The following APP variants were observed in gnomAD, a reference collection of about 807,000 sequenced individuals.
APP encodes amyloid-beta precursor protein.
Under a neutral mutation model 101.4 loss-of-function variants are expected in APP, and 31 were observed. The observed-to-expected ratio is 0.31, with a 90% CI of 0.23 to 0.41. The LOEUF (loss-of-function observed/expected upper bound fraction) is 0.41. APP is among the 10% of genes least tolerant of loss of function. The pLI, the probability that APP is intolerant of heterozygous loss-of-function variation, is 1.00. For missense variants in APP, 839 were observed against 1,003.7 expected, an observed-to-expected ratio of 0.84 and a Z score of 2.22; for synonymous variants, 366 against 364.4, an observed-to-expected ratio of 1.00 and a Z score of -0.05.
At chr21:25,886,435 C>T (rs956230813) in intron 17 of APP, among the ~76,000 whole-genome samples, 1 of 151,902 alleles carries the variant, frequency 6.6e-6, no homozygotes, top group Admixed American at 6.6e-5. Flanking sequence ...GCTCTGTCAC[C>T]CAGGCTGGAG....
intron 2 of APP, among the ~76,000 whole-genome samples, chr21:26,106,683 A>G (rs1291071037): frequency 2.0e-5 from 3 of 152,214 alleles, no homozygotes; most frequent in Non-Finnish European, 4.4e-5. Context: ...AGTGCTTAGG[A>G]TGGGTATCAG....
intron 3 of APP, among the ~76,000 whole-genome samples, chr21:26,067,423 T>C (rs2046498662): frequency 6.6e-6 from 1 of 152,196 alleles, no homozygotes; most frequent in Admixed American, 6.5e-5. Flanking sequence ...ATCAATAATA[T>C]ATTTCAAGGA....
intron 17 of APP, among the ~76,000 whole-genome samples, chr21:25,887,241 A>G (rs1461510093): frequency 6.6e-6 from 1 of 152,186 alleles, no homozygotes; most frequent in African/African-American, 2.4e-5. Flanking sequence ...GCTTGCTACT[A>G]AACAGATCCT....
chr21:26,086,356 C>A (rs1167972339), intron 3 of APP, among the ~76,000 whole-genome samples: 1 of 152,088 alleles, frequency 6.6e-6, no homozygotes, highest in East Asian at 1.9e-4. Flanking sequence ...CATACTTTCC[C>A]CATGCAGACA....
At chr21:25,891,597 G>A in intron 17 of APP, 125 bp downstream of exon 17, 3 of 936,886 alleles carry the variant, frequency 3.2e-6, no homozygotes, top group Non-Finnish European at 5.2e-6. Context: ...TGTAACCCAA[G>A]CATCATGGAA....
At chr21:26,161,102 A>T (rs1476444280) in intron 1 of APP, among the ~76,000 whole-genome samples, 1 of 152,220 alleles carries the variant, frequency 6.6e-6, no homozygotes, top group Non-Finnish European at 1.5e-5. Context: ...ATTTCTAGAG[A>T]ACTCATTTAT....
At chr21:26,138,363 A>C (rs1309657330) in intron 1 of APP, among the ~76,000 whole-genome samples, 2 of 152,106 alleles carry the variant, frequency 1.3e-5, no homozygotes, top group Non-Finnish European at 2.9e-5. Flanking sequence ...TACATGTTAT[A>C]GGATCAAAAT....
chr21:26,015,396 T>C (rs1211122418), intron 6 of APP, among the ~76,000 whole-genome samples: 4 of 152,198 alleles, frequency 2.6e-5, no homozygotes, highest in Non-Finnish European at 5.9e-5. Context: ...TAGGTCTTAT[T>C]AATCCCTATT....
intron 13 of APP, 74 bp downstream of exon 13, chr21:25,954,514 GAT>G: frequency 1.6e-6 from 2 of 1,280,860 alleles, no homozygotes. Flanking sequence ...TCCTCAAACA[GAT>G]AACTCACTTC....
At chr21:26,006,840 TAA>T (rs749181797) in intron 6 of APP, among the ~76,000 whole-genome samples, 1 of 152,168 alleles carries the variant, frequency 6.6e-6, no homozygotes, top group Non-Finnish European at 1.5e-5. Flanking sequence ...TCGCTGTAAA[TAA>T]AGTGGTAAAT....
chr21:25,995,205 A>C (rs2043007413), intron 8 of APP, among the ~76,000 whole-genome samples: 1 of 152,266 alleles, frequency 6.6e-6, no homozygotes, highest in African/African-American at 2.4e-5. Flanking sequence ...GGAAAAATAG[A>C]ATTCTTATAA....
chr21:25,887,517 GAAAAA>G lies in APP; in HGVS notation c.2211+4200_2211+4204del, dbSNP rs199637906. On this transcript the variant is annotated intron_variant, in intron 17 of 17. Coordinates refer to ENST00000346798, the MANE Select transcript of APP (RefSeq NM_000484.4). ...GTAAGTCAATATTTCCTGCTTATTT[GAAAAA>G]AAAAAAAAAAAAAAAAAACAACAAC... Among the ~76,000 whole-genome samples, 392 of 114,444 alleles carry G rather than the reference GAAAAA, an allele frequency of 3.4e-3. 2 individuals are homozygous for G. The highest frequency in any genetic ancestry group is 9.8e-3 in the African/African-American group (295 of 30,102). 75.1% of individuals were successfully genotyped at this position (114,444 alleles called of 152,430 possible).
intron 7 of APP, among the ~76,000 whole-genome samples, chr21:25,998,476 G>A (rs905311651): frequency 5.9e-5 from 9 of 151,746 alleles, no homozygotes; most frequent in Non-Finnish European, 1.0e-4. Context: ...ATTCACTGGC[G>A]ATGGCAGGAG....
intron 5 of APP, among the ~76,000 whole-genome samples, chr21:26,046,160 G>A (rs2045599919): frequency 6.6e-6 from 1 of 151,718 alleles, no homozygotes; most frequent in Admixed American, 6.6e-5. Context: ...AGATCTGGGT[G>A]GGAAAAAAGC....
intron 2 of APP, among the ~76,000 whole-genome samples, chr21:26,098,896 G>A (rs2062001423): frequency 6.6e-6 from 1 of 152,188 alleles, no homozygotes; most frequent in Non-Finnish European, 1.5e-5. Flanking sequence ...AAAGAGATGA[G>A]CTGAAACCCG....
chr21:25,966,149 A>C (rs779812484), intron 11 of APP, among the ~76,000 whole-genome samples: 7 of 152,240 alleles, frequency 4.6e-5, no homozygotes, highest in African/African-American at 1.7e-4. Context: ...GTATGTAGCA[A>C]GATTTTATCG....
chr21:26,056,497 G>C (rs2046046938), intron 3 of APP, among the ~76,000 whole-genome samples: 1 of 152,162 alleles, frequency 6.6e-6, no homozygotes, highest in Non-Finnish European at 1.5e-5. Flanking sequence ...TCTTGAACTT[G>C]TGTTTAGGAC....
At chr21:26,012,100 T>C (rs1312802545) in intron 6 of APP, among the ~76,000 whole-genome samples, 1 of 146,142 alleles carries the variant, frequency 6.8e-6, no homozygotes, top group African/African-American at 2.5e-5. Flanking sequence ...TGACCTCACC[T>C]GGGCTCCAGC....
chr21:26,057,473 C>CACA lies in APP; in HGVS notation c.356-4126_356-4125insTGT, dbSNP rs548792322. Among the ~76,000 whole-genome samples, 385 of 149,164 alleles carry CACA rather than the reference C, an allele frequency of 2.6e-3. 4 individuals carry two copies. Among genetic ancestry groups the CACA allele is most frequent in the East Asian group, 0.011 (55 of 5,116 alleles). ...TTATATTCAAAACGCATGTCACACA[C>CACA]CACACACACACACACACACACACAC... On this transcript the variant is annotated intron_variant, in intron 3 of 17. Transcript: ENST00000346798.
Sources: allele counts gnomAD v4.1 joint callset (sites outside exome capture counted in the v4.1 genomes callset), GRCh38; gene constraint gnomAD v4.1.1; transcripts MANE v1.5; gene names NCBI Gene and HGNC (gene_info 2026-07-23, HGNC 2026-07-21).